Variants in NALF1 observed in about 807,000 individuals in gnomAD.
NALF1 encodes the protein family with sequence similarity 155 member A.
A neutral mutation model predicts 48.4 loss-of-function variants in NALF1; 3 were observed. The ratio of observed to expected loss-of-function variants is 0.06; its 90% CI spans 0.03 to 0.16. The LOEUF (loss-of-function observed/expected upper bound fraction) is 0.16, where lower values mean the gene tolerates loss of function less well. Ranked by LOEUF, NALF1 falls within the 10% of genes least tolerant of loss-of-function variation. The probability of loss-of-function intolerance (pLI) is 1.00; values close to 1 mark genes in which losing one functional copy is unlikely to be tolerated. For synonymous variants in NALF1, 262 were observed against 245.7 expected (o/e 1.07, Z -0.62); for missense variants, 526 against 571.5 (o/e 0.92, Z 0.81).
chr13:107,524,979 A>G (rs1185077940), intron 1 of NALF1, among the ~76,000 whole-genome samples: 1 of 152,110 alleles, frequency 6.6e-6, no homozygotes, highest in East Asian at 1.9e-4. Flanking sequence ...CCCAGGAGAC[A>G]TAGAGAGCTT....
chr13:107,240,925 A>G (rs1267612693), intron 1 of NALF1, among the ~76,000 whole-genome samples: 1 of 151,960 alleles, frequency 6.6e-6, no homozygotes, highest in Non-Finnish European at 1.5e-5. Flanking sequence ...CTGCTAAAAC[A>G]GAATGCCTGA....
chr13:107,709,673 T>C (rs1875507746), intron 1 of NALF1, among the ~76,000 whole-genome samples: 1 of 152,180 alleles, frequency 6.6e-6, no homozygotes, highest in Admixed American at 6.5e-5. Context: ...AGCAACAGAG[T>C]TGCATCAATA....
intron 1 of NALF1, among the ~76,000 whole-genome samples, chr13:107,539,941 T>C (rs1876951931): frequency 1.3e-5 from 2 of 152,170 alleles, no homozygotes; most frequent in Admixed American, 1.3e-4. Flanking sequence ...TTCCTAAAGA[T>C]AGCATAACTG....
intron 1 of NALF1, among the ~76,000 whole-genome samples, chr13:107,723,716 G>A (rs541084309): frequency 1.3e-5 from 2 of 152,266 alleles, no homozygotes; most frequent in East Asian, 1.9e-4. Flanking sequence ...ACATGCAAAC[G>A]AAGTAGACTT....
intron 1 of NALF1, among the ~76,000 whole-genome samples, chr13:107,357,603 G>A (rs375971415): frequency 3.3e-5 from 5 of 152,236 alleles, no homozygotes; most frequent in South Asian, 4.1e-4. Flanking sequence ...ACCAGGAAAC[G>A]CCTTATAAAA....
chr13:107,373,748 G>GT (rs985095773), intron 1 of NALF1, among the ~76,000 whole-genome samples: 14 of 151,324 alleles, frequency 9.3e-5, no homozygotes, highest in African/African-American at 2.2e-4. Flanking sequence ...TTTTGTTTTC[G>GT]TTTTTTTTGG....
rs1229780187 is a variant in NALF1 at position 107,164,270 on chromosome 13, A to T, written c.*6227T>A. 1 of 152,232 alleles carries T rather than the reference A, an allele frequency of 6.6e-6. No homozygotes were observed. Among genetic ancestry groups the T allele is most frequent in the African/African-American group, 2.4e-5 (1 of 41,460 alleles). The allele number at this position is 152,232 out of a possible 1,614,324, so 9.4% of individuals were successfully genotyped here. A position where few individuals can be genotyped will look rare whatever the true frequency, so the allele number is the denominator to read the frequency against. On this transcript the variant is annotated 3_prime_UTR_variant, in exon 3 of 3. Coordinates refer to ENST00000375915, the MANE Select transcript of NALF1 (RefSeq NM_001080396.3). The stretch of plus-strand genomic sequence containing the variant: ...CTAAATAGATACAAATCAATGAAAT[A>T]ATTTACTCAAGAGCCCTGCTTAATC...
At chr13:107,813,086 T>G (rs960209085) in intron 1 of NALF1, among the ~76,000 whole-genome samples, 3 of 152,186 alleles carry the variant, frequency 2.0e-5, no homozygotes, top group Non-Finnish European at 4.4e-5. Flanking sequence ...GTAAAGCTTA[T>G]TCTCTTTTGC....
intron 1 of NALF1, among the ~76,000 whole-genome samples, chr13:107,795,341 T>C (rs541534016): frequency 6.6e-6 from 1 of 152,142 alleles, no homozygotes; most frequent in East Asian, 1.9e-4. Flanking sequence ...AGGGAAAAAT[T>C]TTACAAAGCC....
intron 1 of NALF1, among the ~76,000 whole-genome samples, chr13:107,249,470 T>C (rs1456040447): frequency 6.6e-6 from 1 of 152,148 alleles, no homozygotes; most frequent in African/African-American, 2.4e-5. Context: ...GTGATGTTTT[T>C]ATTCTAATGA....
chr13:107,793,920 T>G (rs760406156), intron 1 of NALF1, among the ~76,000 whole-genome samples: 2 of 152,172 alleles, frequency 1.3e-5, no homozygotes, highest in Non-Finnish European at 2.9e-5. Context: ...ACTATGAATT[T>G]CACTAACTCA....
intron 1 of NALF1, among the ~76,000 whole-genome samples, chr13:107,372,911 CT>C (rs970588331): frequency 6.6e-6 from 1 of 152,106 alleles, no homozygotes; most frequent in African/African-American, 2.4e-5. Flanking sequence ...ATACCAATTA[CT>C]GGGATAGCAA....
chr13:107,654,480 G>C (rs1029270658), intron 1 of NALF1, among the ~76,000 whole-genome samples: 1 of 151,992 alleles, frequency 6.6e-6, no homozygotes, highest in African/African-American at 2.4e-5. Flanking sequence ...TCAATAACAA[G>C]CAGTGAAATC....
chr13:107,354,585 A>C (rs1477694943), intron 1 of NALF1, among the ~76,000 whole-genome samples: 1 of 152,136 alleles, frequency 6.6e-6, no homozygotes, highest in Non-Finnish European at 1.5e-5. Context: ...TAGGTATTAC[A>C]ATTCTATTTT....
At chr13:107,665,079 T>C (rs1880823995) in intron 1 of NALF1, among the ~76,000 whole-genome samples, 1 of 152,158 alleles carries the variant, frequency 6.6e-6, no homozygotes, top group Non-Finnish European at 1.5e-5. Flanking sequence ...AACTCCCTAA[T>C]ATCATTGTAA....
At chr13:107,554,338 A>C (rs1288229816) in intron 1 of NALF1, among the ~76,000 whole-genome samples, 1 of 152,168 alleles carries the variant, frequency 6.6e-6, no homozygotes, top group Non-Finnish European at 1.5e-5. Flanking sequence ...GGGGGGAAAA[A>C]GCTAGAAGGA....
chr13:107,715,540 C>T (rs1027029154), intron 1 of NALF1, among the ~76,000 whole-genome samples: 3 of 152,110 alleles, frequency 2.0e-5, no homozygotes, highest in Admixed American at 6.6e-5. Flanking sequence ...GTTCCTGTGC[C>T]CGATCAGGGA....
chr13:107,362,861 T>C lies in NALF1; in HGVS notation c.916-152106A>G, dbSNP rs562859622. ...GAGCTTTTGGCAGGTCTAAAGTAAGTGGAGGGATTGGGTTATCTATACATA... is the reference window on the plus strand; with the variant it reads ...GAGCTTTTGGCAGGTCTAAAGTAAGCGGAGGGATTGGGTTATCTATACATA... On this transcript the variant is annotated intron_variant, in intron 1 of 2. Transcript: ENST00000375915. The surrounding 1 kb of genome is among the most constrained non-coding windows in gnomAD (Gnocchi z 4.6). Among the ~76,000 whole-genome samples the C allele has an allele frequency of 6.6e-6, 1 of 152,208 alleles. No homozygotes were observed. The highest frequency in any genetic ancestry group is 6.5e-5 in the Admixed American group (1 of 15,282).
At chr13:107,271,808 A>ATT (rs1566470763) in intron 1 of NALF1, among the ~76,000 whole-genome samples, 271 of 23,494 alleles carry the variant, frequency 0.012, 5 homozygotes, top group South Asian at 0.041. Context: ...ATATATATAT[A>ATT]TATATATATT....
Sources: gnomAD v4.1 joint callset for allele counts (sites outside exome capture counted in the v4.1 genomes callset) on GRCh38, gnomAD v4.1.1 for gene constraint, Gnocchi (gnomAD v3.1) non-coding constraint, MANE v1.5 for transcripts, NCBI Gene and HGNC (gene_info 2026-07-23, HGNC 2026-07-21) for gene names.